Variants in CSGALNACT1 observed in about 807,000 individuals in gnomAD.
CSGALNACT1 encodes chondroitin sulfate N-acetylgalactosaminyltransferase 1.
CSGALNACT1 carries 52 observed loss-of-function variants against 51.0 expected under a neutral mutation model. The observed-to-expected ratio is 1.02, with a 90% CI of 0.82 to 1.29. The LOEUF (loss-of-function observed/expected upper bound fraction) is 1.29, where lower values mean the gene tolerates loss of function less well. Among genes scored for constraint, CSGALNACT1 ranks in the 50% most tolerant of loss-of-function variants. The probability of loss-of-function intolerance (pLI) is 0.00; values close to 1 mark genes in which losing one functional copy is unlikely to be tolerated. For synonymous variants in CSGALNACT1, 341 were observed against 254.4 expected, an observed-to-expected ratio of 1.34 and a Z score of -3.24; for missense variants, 935 against 679.2, an observed-to-expected ratio of 1.38 and a Z score of -4.19.
intron 1 of CSGALNACT1, among the ~76,000 whole-genome samples, chr8:19,677,486 T>C (rs2060281334): frequency 6.6e-6 from 1 of 152,058 alleles, no homozygotes; most frequent in Non-Finnish European, 1.5e-5. Flanking sequence ...AAACTAATGG[T>C]ACCAGGACAG....
At chr8:19,619,406 G>A (rs996857467) in intron 1 of CSGALNACT1, among the ~76,000 whole-genome samples, 2 of 152,220 alleles carry the variant, frequency 1.3e-5, no homozygotes, top group East Asian at 1.9e-4. Flanking sequence ...CGAAGGGATG[G>A]AGCCATGTCC....
At chr8:19,667,973 A>T (rs2059514382) in intron 1 of CSGALNACT1, among the ~76,000 whole-genome samples, 1 of 152,232 alleles carries the variant, frequency 6.6e-6, no homozygotes, top group Non-Finnish European at 1.5e-5. Context: ...GAGCATAGTG[A>T]AGTTGAACTG....
In CSGALNACT1 at chr8:19,638,239, T is replaced by C. The variant is rs142178366; in HGVS notation, c.-543-36374A>G. Among the ~76,000 whole-genome samples, 214 of 149,804 alleles carry C rather than the reference T, an allele frequency of 1.4e-3. 1 individual carries two copies. Among genetic ancestry groups the C allele is most frequent in the Non-Finnish European group, 2.6e-3 (176 of 67,328 alleles). On this transcript the variant is annotated intron_variant, in intron 1 of 9. Transcript: ENST00000332246. Reference sequence around the variant, plus strand: ...AGGTCTCAGCTCAAATGTCCGCTCCTGAGAGAGGTTGGGCTTGAGAGGCTG... The same window carrying C: ...AGGTCTCAGCTCAAATGTCCGCTCCCGAGAGAGGTTGGGCTTGAGAGGCTG...
chr8:19,702,718 T>C (rs2061947974), intron 1 of CSGALNACT1, among the ~76,000 whole-genome samples: 1 of 152,060 alleles, frequency 6.6e-6, no homozygotes, highest in Non-Finnish European at 1.5e-5. Context: ...CTCCCATCCA[T>C]CACCCAGTTC....
At chr8:19,476,209 G>A (rs544148270) in intron 4 of CSGALNACT1, among the ~76,000 whole-genome samples, 1 of 152,216 alleles carries the variant, frequency 6.6e-6, no homozygotes, top group African/African-American at 2.4e-5. Flanking sequence ...ATAATACATA[G>A]CCAATTTGAG....
chr8:19,741,487 C>T (rs1008793332), intron 1 of CSGALNACT1, among the ~76,000 whole-genome samples: 1 of 144,264 alleles, frequency 6.9e-6, no homozygotes, highest in Non-Finnish European at 1.5e-5. Flanking sequence ...CGCTTGAAGC[C>T]GGGAAGCGGA....
At chr8:19,507,040 G>C (rs2077466823) in intron 3 of CSGALNACT1, among the ~76,000 whole-genome samples, 1 of 152,196 alleles carries the variant, frequency 6.6e-6, no homozygotes, top group African/African-American at 2.4e-5. Flanking sequence ...ATGGTTCTGA[G>C]CTTTCTGATC....
chr8:19,553,574 G>C (rs963291433), intron 3 of CSGALNACT1, among the ~76,000 whole-genome samples: 6 of 137,332 alleles, frequency 4.4e-5, no homozygotes, highest in Non-Finnish European at 7.7e-5. Flanking sequence ...TATACAAAAA[G>C]CTCAAACCAT....
chr8:19,583,861 A>G (rs1389971994), intron 3 of CSGALNACT1, among the ~76,000 whole-genome samples: 1 of 152,196 alleles, frequency 6.6e-6, no homozygotes, highest in Admixed American at 6.5e-5. Flanking sequence ...TGCTTCCCAA[A>G]TCTGTTGCCC....
At chr8:19,636,346 A>T (rs1000527818) in intron 1 of CSGALNACT1, among the ~76,000 whole-genome samples, 1 of 152,164 alleles carries the variant, frequency 6.6e-6, no homozygotes, top group Non-Finnish European at 1.5e-5. Flanking sequence ...ACTATAATAT[A>T]TATTAGGGTT....
chr8:19,455,196 C>A (rs991510695), intron 5 of CSGALNACT1, among the ~76,000 whole-genome samples: 1 of 152,122 alleles, frequency 6.6e-6, no homozygotes, highest in Non-Finnish European at 1.5e-5. Context: ...CAAGTATTAC[C>A]TTTTACAAAC....
intron 6 of CSGALNACT1, 25 bp from the exon 6 acceptor site, chr8:19,420,543 C>G (rs771655688): frequency 6.2e-7 from 1 of 1,610,412 alleles, no homozygotes; most frequent in Non-Finnish European, 8.5e-7. Context: ...CAGGTACTGT[C>G]ACTCACATTC....
chr8:19,483,677 T>C (rs1003164300), intron 4 of CSGALNACT1, among the ~76,000 whole-genome samples: 1 of 152,208 alleles, frequency 6.6e-6, no homozygotes, highest in Admixed American at 6.5e-5. Context: ...CTCTGTAATC[T>C]AAAACCATAC....
chr8:19,420,478 C>G, exon 7 of CSGALNACT1: 1 of 1,614,216 alleles, frequency 6.2e-7, no homozygotes, highest in South Asian at 1.1e-5. Flanking sequence ...GAAAATTCTC[C>G]ATTCAGCTGG....
At chr8:19,571,595 A>T (rs1007563183) in intron 3 of CSGALNACT1, among the ~76,000 whole-genome samples, 5 of 152,220 alleles carry the variant, frequency 3.3e-5, no homozygotes, top group Admixed American at 1.3e-4. Context: ...GTTAATGGCT[A>T]AAGCAGAAAG....
At chr8:19,602,776 C>G (rs1486971132), upstream of CSGALNACT1, 1 of 151,964 alleles carries the variant, frequency 6.6e-6, no homozygotes, top group African/African-American at 2.4e-5. Context: ...GAGGTGCAAG[C>G]AAAATACTCT....
chr8:19,405,568 C>A (rs1440788244), exon 10 of CSGALNACT1: 1 of 707,272 alleles, frequency 1.4e-6, no homozygotes. Flanking sequence ...AGACACTTCA[C>A]AGGGTGCAAC....
At chr8:19,534,734 T>A (rs1258005274) in intron 3 of CSGALNACT1, among the ~76,000 whole-genome samples, 2 of 152,084 alleles carry the variant, frequency 1.3e-5, no homozygotes, top group African/African-American at 2.4e-5. Context: ...TCTAAAATGC[T>A]CAGTGAATGA....
At chr8:19,456,693 T>C (rs933411641) in intron 5 of CSGALNACT1, among the ~76,000 whole-genome samples, 4 of 152,176 alleles carry the variant, frequency 2.6e-5, no homozygotes, top group Admixed American at 6.5e-5. Flanking sequence ...CAAACAATTA[T>C]GCGATCATGC....
Sources: gnomAD v4.1 joint callset for allele counts (sites outside exome capture counted in the v4.1 genomes callset) on GRCh38, gnomAD v4.1.1 for gene constraint, MANE v1.5 for transcripts, NCBI Gene and HGNC (gene_info 2026-07-23, HGNC 2026-07-21) for gene names.